The following COLQ variants were observed in gnomAD, a reference collection of about 807,000 sequenced individuals.
COLQ encodes collagen like tail subunit of asymmetric acetylcholinesterase, also known as acetylcholinesterase collagenic tail peptide.
COLQ carries 48 observed loss-of-function variants against 69.0 expected under a neutral mutation model. The observed-to-expected ratio is 0.70, with a 90% confidence interval of 0.55 to 0.88. COLQ has a LOEUF of 0.88. Among genes scored for constraint, COLQ ranks in the 40% least tolerant of loss-of-function variants. COLQ has a pLI of 0.00. For synonymous variants in COLQ, 217 were observed against 211.2 expected, an observed-to-expected ratio of 1.03 and a Z score of -0.24; for missense variants, 618 against 594.6, an observed-to-expected ratio of 1.04 and a Z score of -0.41.
intron 12 of COLQ, among the ~76,000 whole-genome samples, chr3:15,461,412 G>A (rs2062112181): frequency 6.6e-6 from 1 of 152,080 alleles, no homozygotes; most frequent in Admixed American, 6.5e-5. Context: ...CCTGTTTTCT[G>A]CCAGGCTATA....
Position 15,512,379 on chromosome 3 carries a change from T to C in COLQ, c.106+9141A>G, listed in dbSNP as rs377110909. 7.2e-5 allele frequency among the ~76,000 whole-genome samples: 11 copies of C among 152,324 alleles called. No individual in the cohort carries two copies. The East Asian group carries it at 1.5e-3, about 21-fold the overall frequency. On this transcript the variant is annotated intron_variant, in intron 1 of 16. Coordinates refer to ENST00000383788, the MANE Select transcript of COLQ (RefSeq NM_005677.4). ...ATGCCTGTGTTTATGCTGGTTGCCA[T>C]GAGAGATAAGTGCGGGCTTGAATGG...
At chr3:15,512,200 T>C (rs1294427425) in intron 1 of COLQ, among the ~76,000 whole-genome samples, 1 of 152,190 alleles carries the variant, frequency 6.6e-6, no homozygotes, top group Non-Finnish European at 1.5e-5. Flanking sequence ...GTGGGATGCC[T>C]GGGAGGGAGG....
intron 1 of COLQ, among the ~76,000 whole-genome samples, chr3:15,519,290 TCAGTGTTCCAGTCC>T (rs1268445387): frequency 4.6e-5 from 7 of 152,226 alleles, no homozygotes; most frequent in Non-Finnish European, 8.8e-5. Context: ...CTCTCTGCCC[TCAGTGTTCCAGTCC>T]CTGACCTCCA....
At chr3:15,474,878 A>G (rs199865134) in intron 8 of COLQ, 47 bp downstream of exon 8, 3 of 1,609,426 alleles carry the variant, frequency 1.9e-6, no homozygotes, top group Non-Finnish European at 2.6e-6. Flanking sequence ...TTCCAGAGCC[A>G]GTAGCCCAGA....
intron 4 of COLQ, 98 bp downstream of exon 4, chr3:15,479,238 CAT>C (rs1575477183): frequency 3.8e-6 from 5 of 1,331,652 alleles, no homozygotes; most frequent in Non-Finnish European, 5.4e-6. Flanking sequence ...AGAGTTAGCA[CAT>C]GTTTGGAAAT....
Position 15,456,534 on chromosome 3 carries a change from G to C in COLQ, c.1000C>G (p.Gln334Glu), listed in dbSNP as rs113708721. The C allele has an allele frequency of 1.9e-6, 3 of 1,614,152 alleles. No homozygotes were observed. Among genetic ancestry groups the C allele is most frequent in the African/African-American group, 2.7e-5 (2 of 75,044 alleles). Residue 334 changes from glutamine to glutamate, a missense_variant, in exon 14 of 17, where the codon CAA becomes GAA. Coordinates refer to ENST00000383788, the MANE Select transcript of COLQ (RefSeq NM_005677.4). ...TCTCTGCGGAAGGCAATGGCGTTTT[G>C]GGTGTTCAGCCTCTCAAGCTCCTCC... ...NQEELERLNT[Q>E]NAIAFRRDQR... is the part of the protein sequence containing the mutation.
rs2062171668 is a variant in COLQ, at chr3:15,464,768, C to CTGAAGACAG, written c.814+1572_814+1573insCTGTCTTCA. Among the ~76,000 whole-genome samples the CTGAAGACAG allele has an allele frequency of 3.9e-5, 6 of 152,284 alleles. No homozygotes were observed. The South Asian group carries it at 1.2e-3, about 32-fold the overall frequency. ...TGAAGACAGAAAATGTTGCAGTCAA[C>CTGAAGACAG]AAATGATCTTCTTGATACTGTCTTT... On this transcript the variant is annotated intron_variant, in intron 12 of 16. Transcript: ENST00000383788.
chr3:15,482,224 G>T (rs1220688945), intron 3 of COLQ, among the ~76,000 whole-genome samples: 1 of 152,108 alleles, frequency 6.6e-6, no homozygotes, highest in Non-Finnish European at 1.5e-5. Context: ...CTGCCTGATT[G>T]CCCTGGCCAG....
chr3:15,497,036 C>T (rs1224528787), intron 1 of COLQ, among the ~76,000 whole-genome samples: 2 of 107,528 alleles, frequency 1.9e-5, no homozygotes, highest in East Asian at 2.9e-4. Context: ...GTCCTTTTGC[C>T]TTTTTTTTTT....
chr3:15,500,471 T>C (rs776575005), intron 1 of COLQ, among the ~76,000 whole-genome samples: 2 of 152,200 alleles, frequency 1.3e-5, no homozygotes, highest in Non-Finnish European at 2.9e-5. Flanking sequence ...CCACATGGCA[T>C]CAAACTTTTT....
intron 1 of COLQ, among the ~76,000 whole-genome samples, chr3:15,500,131 T>G (rs770676440): frequency 2.0e-5 from 3 of 152,240 alleles, no homozygotes; most frequent in South Asian, 2.1e-4. Context: ...GAGGTGGGAT[T>G]TGAGCTGATA....
At chr3:15,492,250 T>C (rs959871845) in intron 1 of COLQ, among the ~76,000 whole-genome samples, 2 of 152,224 alleles carry the variant, frequency 1.3e-5, no homozygotes, top group Non-Finnish European at 2.9e-5. Flanking sequence ...GTGTCCACCA[T>C]GTGATGTGAT....
At chr3:15,452,622 T>C (rs2061965077) in intron 16 of COLQ, among the ~76,000 whole-genome samples, 1 of 152,120 alleles carries the variant, frequency 6.6e-6, no homozygotes, top group South Asian at 2.1e-4. Context: ...ATCGTCTACA[T>C]TGATTTGTCT....
In COLQ at chr3:15,455,921, G is replaced by C; in HGVS notation, c.1173C>G (p.Ser391Arg). 3 of 1,614,080 alleles carry C rather than the reference G, an allele frequency of 1.9e-6. No individual in the cohort carries two copies. Among genetic ancestry groups the C allele is most frequent in the Non-Finnish European group, 2.5e-6 (3 of 1,179,984 alleles). Residue 391 changes from serine (S) to arginine (R), a missense_variant, in exon 15 of 17, where the codon AGC becomes AGG. Coordinates refer to ENST00000383788, the MANE Select transcript of COLQ (RefSeq NM_005677.4). ...QPGEECDDGN[S>R]DVGDDCIRCH... ...CACGGATGCAGTCGTCACCCACATC[G>C]CTGTTACCGTCGTCACACTCCTCCC...
intron 1 of COLQ, among the ~76,000 whole-genome samples, chr3:15,490,687 C>T (rs1177535582): frequency 5.9e-5 from 9 of 152,216 alleles, no homozygotes; most frequent in Admixed American, 5.2e-4. Context: ...GATACCACTA[C>T]ACATCCACCA....
chr3:15,475,027 C>G (rs1243565282), intron 7 of COLQ, 76 bp from the exon 8 acceptor site: 1 of 1,492,082 alleles, frequency 6.7e-7, no homozygotes, highest in African/African-American at 1.4e-5. Flanking sequence ...AGAAGGAATC[C>G]CTGAATGTGG....
At chr3:15,521,482 G>A in intron 1 of COLQ, 38 bp downstream of exon 1, 1 of 1,613,238 alleles carries the variant, frequency 6.2e-7, no homozygotes, top group Non-Finnish European at 8.5e-7. Context: ...CCTGTCCCCT[G>A]ACAGATGGAA....
chr3:15,507,612 G>A (rs749302486), intron 1 of COLQ, among the ~76,000 whole-genome samples: 11 of 152,048 alleles, frequency 7.2e-5, no homozygotes, highest in Admixed American at 5.2e-4. Flanking sequence ...GTGCAACCAC[G>A]CCCAACTAAT....
intron 11 of COLQ, 106 bp from the exon 12 acceptor site, chr3:15,466,543 C>A: frequency 1.1e-6 from 1 of 907,010 alleles, no homozygotes; most frequent in Admixed American, 2.1e-5. Flanking sequence ...GAGCAAGAGC[C>A]CAGTGGGGGA....
Sources: allele counts gnomAD v4.1 joint callset (sites outside exome capture counted in the v4.1 genomes callset), GRCh38; gene constraint gnomAD v4.1.1; transcripts MANE v1.5; gene names NCBI Gene and HGNC (gene_info 2026-07-23, HGNC 2026-07-21).